Variants in CFAP95 observed in about 807,000 individuals in gnomAD.
CFAP95 encodes the protein cilia and flagella associated protein 95.
the CFAP95 span, among the ~76,000 whole-genome samples, chr9:69,836,747 T>C: frequency 6.6e-6 from 1 of 150,468 alleles, no homozygotes; most frequent in East Asian, 1.9e-4. Flanking sequence ...TTTATTATTA[T>C]ACTTTAAGTT....
the CFAP95 span, among the ~76,000 whole-genome samples, chr9:69,860,923 G>C: frequency 6.6e-5 from 10 of 151,938 alleles, no homozygotes. Flanking sequence ...CCTTCTTCTG[G>C]ATACCTCCTG....
the CFAP95 span, among the ~76,000 whole-genome samples, chr9:69,887,921 C>T: frequency 1.3e-5 from 2 of 152,324 alleles, no homozygotes; most frequent in African/African-American, 4.8e-5. Flanking sequence ...ATCAGCTTAG[C>T]AGAGCCTGGA....
chr9:69,869,744 A>AT, the CFAP95 span, among the ~76,000 whole-genome samples: 22 of 151,520 alleles, frequency 1.5e-4, no homozygotes, highest in South Asian at 2.5e-3. Flanking sequence ...CAAAATAATA[A>AT]AAAAAAACCC....
the CFAP95 span, among the ~76,000 whole-genome samples, chr9:69,834,681 T>C: frequency 2.6e-5 from 4 of 152,260 alleles, no homozygotes; most frequent in Non-Finnish European, 5.9e-5. Flanking sequence ...GTCTTATTTA[T>C]GTGCCACTCA....
chr9:69,872,162 T>G, the CFAP95 span, among the ~76,000 whole-genome samples: 1 of 152,212 alleles, frequency 6.6e-6, no homozygotes, highest in African/African-American at 2.4e-5. Context: ...GTCATTAACT[T>G]TTAATGGGAA....
At chr9:69,866,417 A>T in the CFAP95 span, among the ~76,000 whole-genome samples, 3 of 152,192 alleles carry the variant, frequency 2.0e-5, no homozygotes, top group African/African-American at 7.2e-5. Context: ...AAAGCCTGAG[A>T]ACTAGTGGGC....
chr9:69,860,873 A>G, the CFAP95 span, among the ~76,000 whole-genome samples: 1 of 152,138 alleles, frequency 6.6e-6, no homozygotes, highest in African/African-American at 2.4e-5. Flanking sequence ...CTTCAGGGGC[A>G]GTAACATGCA....
At chr9:69,865,430 C>A in the CFAP95 span, among the ~76,000 whole-genome samples, 3 of 152,110 alleles carry the variant, frequency 2.0e-5, no homozygotes, top group African/African-American at 7.2e-5. Context: ...CCATCTTATT[C>A]ATTGTAGGAG....
chr9:69,837,548 C>T, the CFAP95 span, among the ~76,000 whole-genome samples: 1 of 152,170 alleles, frequency 6.6e-6, no homozygotes, highest in South Asian at 2.1e-4. Flanking sequence ...AGTGTCTGTT[C>T]ATGTCCTTCG....
At chr9:69,895,359 C>CTG in the CFAP95 span, among the ~76,000 whole-genome samples, 99 of 97,346 alleles carry the variant, frequency 1.0e-3, no homozygotes, top group Non-Finnish European at 1.5e-3. Flanking sequence ...CTCTCTCTCT[C>CTG]TCTCTCTCTC....
the CFAP95 span, among the ~76,000 whole-genome samples, chr9:69,859,742 A>G: frequency 6.6e-6 from 1 of 152,224 alleles, no homozygotes; most frequent in Non-Finnish European, 1.5e-5. Flanking sequence ...TTGTGTGAAC[A>G]TCATAGAGTG....
the CFAP95 span, among the ~76,000 whole-genome samples, chr9:69,843,552 CTCCTCCT>C: frequency 0.026 from 655 of 25,468 alleles, 89 homozygotes; most frequent in South Asian, 0.045. Context: ...CCTCCTCCTC[CTCCTCCT>C]TCTTCTTCTT....
At chr9:69,852,826 C>T in the CFAP95 span, among the ~76,000 whole-genome samples, 1 of 152,144 alleles carries the variant, frequency 6.6e-6, no homozygotes, top group Non-Finnish European at 1.5e-5. Flanking sequence ...TGTAATAGTG[C>T]ATAAGTCTCA....
At chr9:69,906,215 A>C in the CFAP95 span, 4 of 1,201,996 alleles carry the variant, frequency 3.3e-6, no homozygotes, top group Admixed American at 4.8e-5. Flanking sequence ...TAATAAATGC[A>C]ATGGAAGTGT....
At chr9:69,870,525 G>A in the CFAP95 span, among the ~76,000 whole-genome samples, 1 of 152,260 alleles carries the variant, frequency 6.6e-6, no homozygotes, top group East Asian at 1.9e-4. Context: ...TCATCCTTGC[G>A]ATCTCAAGAT....
chr9:69,826,209 A>C, the CFAP95 span, among the ~76,000 whole-genome samples: 1 of 152,230 alleles, frequency 6.6e-6, no homozygotes, highest in Non-Finnish European at 1.5e-5. Flanking sequence ...CTGTTTGAAC[A>C]GGAAGTTTAT....
chr9:69,875,767 ACTC>A, the CFAP95 span, among the ~76,000 whole-genome samples: 56 of 152,182 alleles, frequency 3.7e-4, no homozygotes, highest in African/African-American at 1.3e-3. Context: ...ACATCCATCT[ACTC>A]ATTACCCAGT....
At chr9:69,824,521 A>T in the CFAP95 span, among the ~76,000 whole-genome samples, 1 of 151,414 alleles carries the variant, frequency 6.6e-6, no homozygotes, top group African/African-American at 2.4e-5. Flanking sequence ...CAGCTCTCAT[A>T]CTGTAAACAA....
At chr9:69,846,423 C>T in the CFAP95 span, among the ~76,000 whole-genome samples, 64 of 152,206 alleles carry the variant, frequency 4.2e-4, no homozygotes, top group Admixed American at 1.6e-3. Context: ...AATGTGTATT[C>T]AATAGAAAAG....
Sources: gnomAD v4.1 joint callset for allele counts (sites outside exome capture counted in the v4.1 genomes callset) on GRCh38, gnomAD v4.1.1 for gene constraint, MANE v1.5 for transcripts, NCBI Gene and HGNC (gene_info 2026-07-23, HGNC 2026-07-21) for gene names.